The following NREP variants were observed in gnomAD, a reference collection of about 807,000 sequenced individuals.
NREP encodes the protein neuronal regeneration-related protein.
In NREP, 5 loss-of-function variants were observed where a neutral mutation model predicts 8.6. The ratio of observed to expected loss-of-function variants is 0.58; its 90% CI spans 0.30 to 1.22. The LOEUF (loss-of-function observed/expected upper bound fraction) is 1.22, where lower values mean the gene tolerates loss of function less well. NREP is among the 50% of genes most tolerant of loss of function. The probability of loss-of-function intolerance (pLI) is 0.07; values close to 1 mark genes in which losing one functional copy is unlikely to be tolerated. For synonymous variants in NREP, 27 were observed against 28.0 expected (o/e 0.96, Z 0.11); for missense variants, 86 against 82.5 (o/e 1.04, Z -0.17).
chr5:111,976,720 T>A, exon 1 of NREP: 1 of 1,550,814 alleles, frequency 6.4e-7, no homozygotes, highest in Non-Finnish European at 8.7e-7. Flanking sequence ...CAAAGCAGAA[T>A]AATTCCAAAC....
Position 111,976,574 on chromosome 5 carries a change from T to G in NREP, c.30+136A>C, listed in dbSNP as rs1756969787. On this transcript the variant is annotated intron_variant, in intron 1 of 3. Transcript: ENST00000395634. The stretch of plus-strand genomic sequence containing the variant: ...AAAATATTTGTATTCATAAACAGAG[T>G]CAAAACATCCTTCAAGCAAAATGAA... The G allele has an allele frequency of 9.1e-6, 6 of 656,070 alleles. No homozygotes were observed. The South Asian group carries it at 1.2e-4, about 13-fold the overall frequency. The allele number at this position is 656,070 out of a possible 1,614,324, so 40.6% of individuals were successfully genotyped here. A position where few individuals can be genotyped will look rare whatever the true frequency, so the allele number is the denominator to read the frequency against.
At chr5:111,879,931 T>A (rs911258745) in intron 2 of NREP, among the ~76,000 whole-genome samples, 4 of 152,108 alleles carry the variant, frequency 2.6e-5, no homozygotes, top group African/African-American at 9.7e-5. Flanking sequence ...CCTAATTACC[T>A]CCCAAAGGTC....
intron 2 of NREP, among the ~76,000 whole-genome samples, chr5:111,902,083 T>C (rs1472708626): frequency 6.6e-6 from 1 of 152,114 alleles, no homozygotes; most frequent in East Asian, 1.9e-4. Context: ...AACAGCATAG[T>C]ACTGGCATAA....
chr5:111,935,328 G>T (rs780829140), intron 2 of NREP, among the ~76,000 whole-genome samples: 2 of 152,040 alleles, frequency 1.3e-5, no homozygotes, highest in Non-Finnish European at 2.9e-5. Flanking sequence ...ACCCCAGCAC[G>T]GCTTGGACTT....
At chr5:111,936,992 T>C (rs915080027) in intron 2 of NREP, among the ~76,000 whole-genome samples, 28 of 152,142 alleles carry the variant, frequency 1.8e-4, no homozygotes, top group African/African-American at 6.5e-4. Context: ...GCATTTCTCC[T>C]TCACTACGGT....
chr5:111,792,660 G>C (rs549909705), intron 2 of NREP, among the ~76,000 whole-genome samples: 1 of 152,194 alleles, frequency 6.6e-6, no homozygotes, highest in African/African-American at 2.4e-5. Context: ...GGCTAGATGC[G>C]ACAGAATGTG....
At chr5:111,811,743 C>T (rs1332169415) in intron 2 of NREP, among the ~76,000 whole-genome samples, 1 of 152,032 alleles carries the variant, frequency 6.6e-6, no homozygotes, top group Non-Finnish European at 1.5e-5. Context: ...GATGTGGTTG[C>T]AGGTTTTTTT....
chr5:111,919,024 C>A (rs1755147043), intron 2 of NREP, among the ~76,000 whole-genome samples: 1 of 151,988 alleles, frequency 6.6e-6, no homozygotes, highest in South Asian at 2.1e-4. Context: ...GGACTTAAAA[C>A]AAATTGACAA....
At chr5:111,767,085 T>G (rs1036764040) in intron 2 of NREP, among the ~76,000 whole-genome samples, 1 of 152,198 alleles carries the variant, frequency 6.6e-6, no homozygotes, top group Non-Finnish European at 1.5e-5. Flanking sequence ...TGGTAACACA[T>G]AAACACATCT....
intron 2 of NREP, among the ~76,000 whole-genome samples, chr5:111,798,066 A>G (rs1490648364): frequency 1.3e-5 from 2 of 152,210 alleles, no homozygotes; most frequent in African/African-American, 2.4e-5. Flanking sequence ...ATAGTTATTC[A>G]GTTTTTTCCC....
chr5:111,931,253 C>T (rs1755529480), intron 2 of NREP, among the ~76,000 whole-genome samples: 1 of 151,998 alleles, frequency 6.6e-6, no homozygotes, highest in Non-Finnish European at 1.5e-5. Flanking sequence ...GATTGAGTGA[C>T]TCACTTCTCA....
intron 2 of NREP, among the ~76,000 whole-genome samples, chr5:111,913,651 A>G (rs541304359): frequency 1.3e-5 from 2 of 152,258 alleles, no homozygotes; most frequent in East Asian, 3.9e-4. Flanking sequence ...TAAGAGGATG[A>G]TAGTGAGGAA....
At chr5:111,853,781 C>A (rs1753363254) in intron 2 of NREP, among the ~76,000 whole-genome samples, 1 of 151,948 alleles carries the variant, frequency 6.6e-6, no homozygotes, top group Non-Finnish European at 1.5e-5. Flanking sequence ...CCTCCCCATA[C>A]AAACTTCTTA....
chr5:111,868,473 C>A (rs2112492412), intron 2 of NREP, among the ~76,000 whole-genome samples: 2 of 152,164 alleles, frequency 1.3e-5, no homozygotes, highest in East Asian at 3.9e-4. Context: ...GGACCAAACT[C>A]CCAAATGGAT....
chr5:111,757,772 C>T (rs1410889373), upstream of NREP: 12 of 979,110 alleles, frequency 1.2e-5, no homozygotes, highest in African/African-American at 1.8e-5. Context: ...CCTTCCTCCC[C>T]GCCCCCGGCC....
rs139893648 is a variant in NREP, at chr5:111,826,253, C to T, written c.136-90746G>A. On this transcript the variant is annotated intron_variant, in intron 2 of 3. Coordinates refer to the NREP transcript ENST00000395634. ...CCAATCAGCAGTCTGTAAAATGGAC[C>T]AATCAGCTCTCTGTATAATGGACCA... 3.6e-3 allele frequency among the ~76,000 whole-genome samples: 550 copies of T among 152,250 alleles called. 7 individuals carry two copies. Among genetic ancestry groups the T allele is most frequent in the Middle Eastern group, 6.8e-3 (2 of 294 alleles).
chr5:111,915,046 T>C (rs1755017918), intron 2 of NREP, among the ~76,000 whole-genome samples: 1 of 152,158 alleles, frequency 6.6e-6, no homozygotes, highest in African/African-American at 2.4e-5. Context: ...TGAATCCCTT[T>C]GACTATTTCT....
chr5:111,933,227 A>T (rs1003591120), intron 2 of NREP, among the ~76,000 whole-genome samples: 5 of 152,052 alleles, frequency 3.3e-5, no homozygotes, highest in African/African-American at 7.2e-5. Flanking sequence ...TCTGTCTTTG[A>T]TTCCTGCTGT....
intron 2 of NREP, among the ~76,000 whole-genome samples, chr5:111,842,014 A>G (rs1203883879): frequency 6.6e-6 from 1 of 152,106 alleles, no homozygotes; most frequent in Non-Finnish European, 1.5e-5. Context: ...GTTATGAAAC[A>G]TTGCTGTTGA....
Sources: gnomAD v4.1 joint callset for allele counts (sites outside exome capture counted in the v4.1 genomes callset) on GRCh38, gnomAD v4.1.1 for gene constraint, MANE v1.5 for transcripts, NCBI Gene and HGNC (gene_info 2026-07-23, HGNC 2026-07-21) for gene names.